The following MYH11 variants were observed in gnomAD, a reference collection of about 807,000 sequenced individuals.
MYH11 encodes the protein myosin-11.
In MYH11, 80 loss-of-function variants were observed where a neutral mutation model predicts 246.6. The ratio of observed to expected loss-of-function variants is 0.32; its 90% confidence interval spans 0.27 to 0.39. The LOEUF is 0.39. MYH11 is among the 10% of genes least tolerant of loss of function. The pLI, the probability that MYH11 is intolerant of heterozygous loss-of-function variation, is 1.00. For synonymous variants in MYH11, 1,071 were observed against 1,015.5 expected (o/e 1.05, Z -1.04); for missense variants, 2,158 against 2,546.8 (o/e 0.85, Z 3.29).
At chr16:15,731,763 A>G (rs1178437555) in intron 27 of MYH11, among the ~76,000 whole-genome samples, 1 of 151,494 alleles carries the variant, frequency 6.6e-6, no homozygotes, top group Non-Finnish European at 1.5e-5. Context: ...AATTGCTGGG[A>G]TTACAGACAT....
At chr16:15,737,771 T>TGAACAGCA (rs2041164040) in intron 24 of MYH11, 151 bp from the exon 25 acceptor site, 1 of 764,502 alleles carries the variant, frequency 1.3e-6, no homozygotes, top group African/African-American at 1.7e-5. Flanking sequence ...TATCTCCCGA[T>TGAACAGCA]GAACAGCACC....
chr16:15,823,438 C>A, intron 2 of MYH11, 27 bp from the exon 3 acceptor site: 1 of 1,614,138 alleles, frequency 6.2e-7, no homozygotes, highest in African/African-American at 1.3e-5. Context: ...CAGCTTACTT[C>A]CAGACCTCCT....
chr16:15,771,453 T>TTA, intron 9 of MYH11, 116 bp downstream of exon 9: 1 of 976,432 alleles, frequency 1.0e-6, no homozygotes, highest in African/African-American at 1.7e-5. Context: ...TTTTTTTTTT[T>TTA]AATGGAAGGT....
intron 5 of MYH11, chr16:15,784,705 A>G: frequency 6.2e-7 from 1 of 1,613,932 alleles, no homozygotes; most frequent in Non-Finnish European, 8.5e-7. Context: ...CACGTAGGCA[A>G]AAGATGGGCC....
intron 9 of MYH11, 69 bp from the exon 10 acceptor site, chr16:15,763,960 C>G (rs2041926561): frequency 7.9e-7 from 1 of 1,258,064 alleles, no homozygotes; most frequent in Non-Finnish European, 1.2e-6. Flanking sequence ...GTTTTGGAGC[C>G]TAAAGCCACT....
At chr16:15,731,835 G>A (rs2040970070) in intron 27 of MYH11, among the ~76,000 whole-genome samples, 1 of 151,924 alleles carries the variant, frequency 6.6e-6, no homozygotes, top group Non-Finnish European at 1.5e-5. Context: ...TGTCGTCCAG[G>A]CTAGAGTGCA....
At chr16:15,771,316 C>T (rs2042094391) in intron 9 of MYH11, among the ~76,000 whole-genome samples, 1 of 152,040 alleles carries the variant, frequency 6.6e-6, no homozygotes, top group African/African-American at 2.4e-5. Flanking sequence ...AACTTCTCAA[C>T]ATTCTGAGTT....
chr16:15,802,164 A>G (rs1466854802), intron 3 of MYH11, among the ~76,000 whole-genome samples: 1 of 152,154 alleles, frequency 6.6e-6, no homozygotes, highest in East Asian at 1.9e-4. Context: ...TCATGACCAC[A>G]AAGCTAAAAA....
chr16:15,756,241 T>A, intron 14 of MYH11, 100 bp downstream of exon 14: 1 of 1,379,272 alleles, frequency 7.3e-7, no homozygotes, highest in Non-Finnish European at 1.0e-6. Context: ...CTTTGCAGTT[T>A]CCAGGCAGCC....
rs1485890422 is a variant in MYH11, at chr16:15,717,240, G to A, written c.5404C>T (p.His1802Tyr). 6.8e-6 allele frequency: 11 copies of A among 1,614,166 alleles called. No individual in the cohort carries two copies. Among genetic ancestry groups the A allele is most frequent in the South Asian group, 6.6e-5 (6 of 91,090 alleles). ...RQNKELRSKL[H>Y]EMEGAVKSKF... ...GACTTGACGGCCCCCTCCATCTCGT[G>A]GAGCTTGCTCCGGAGCTCCTTGTTC... Residue 1802 changes from histidine to tyrosine, a missense_variant, in exon 38 of 41, where the codon CAC becomes TAC. By Grantham distance (83) the His-to-Tyr change is moderately conservative. This residue lies in a region of MYH11 where 1,013 missense variants were observed against 993.5 expected (regional missense o/e 1.02). Transcript: ENST00000300036.
intron 10 of MYH11, 55 bp downstream of exon 10, chr16:15,763,741 T>TGGGGGGGGCCCCCCCCCCCCC: frequency 1.5e-6 from 1 of 646,852 alleles, no homozygotes. Context: ...AAATGTCACC[T>TGGGGGGGGCCCCCCCCCCCCC]CCCCCACCCC....
chr16:15,812,376 A>G (rs1596882784), intron 3 of MYH11, among the ~76,000 whole-genome samples: 1 of 151,990 alleles, frequency 6.6e-6, no homozygotes, highest in African/African-American at 2.4e-5. Flanking sequence ...GAAGAATGCC[A>G]TAGTTGCCAT....
chr16:15,823,468 C>T (rs1416451949), intron 2 of MYH11, 57 bp from the exon 3 acceptor site: 1 of 1,600,420 alleles, frequency 6.2e-7, no homozygotes, highest in Non-Finnish European at 8.6e-7. Flanking sequence ...ACAGATTGCA[C>T]AGAAGCACTC....
intron 1 of MYH11, among the ~76,000 whole-genome samples, chr16:15,848,494 A>G (rs1483453045): frequency 6.6e-6 from 1 of 152,066 alleles, no homozygotes; most frequent in Non-Finnish European, 1.5e-5. Flanking sequence ...TTGGCCCCCC[A>G]AAGTGCTGGG....
Position 15,748,115 on chromosome 16 carries a change from C to T in MYH11, c.2112G>A (p.Val704=), listed in dbSNP as rs781085663. The part of the protein sequence containing the change: ...LVLEQLRCNG[V]LEGIRICRQG... ...GCCGGCAGATGCGAATGCCTTCCAG[C>T]ACCCCATTGCACCGCAGCTGCTCCA... The change falls in exon 17 of 41, where the codon GTG becomes GTA. Residue 704 remains valine, a synonymous_variant. Transcript: ENST00000300036. The T allele has an allele frequency of 3.3e-5, 53 of 1,614,004 alleles. 1 individual carries two copies. Among genetic ancestry groups the T allele is most frequent in the Middle Eastern group, 3.3e-4 (2 of 6,084 alleles).
At chr16:15,797,596 AAT>A (rs2042773325) in intron 4 of MYH11, among the ~76,000 whole-genome samples, 1 of 148,564 alleles carries the variant, frequency 6.7e-6, no homozygotes, top group Non-Finnish European at 1.5e-5. Flanking sequence ...ATATTATGTA[AAT>A]ATATATATGC....
At chr16:15,826,493 G>C (rs1049942616) in intron 2 of MYH11, among the ~76,000 whole-genome samples, 5 of 152,076 alleles carry the variant, frequency 3.3e-5, no homozygotes, top group Admixed American at 3.3e-4. Flanking sequence ...GGAGGCTGAG[G>C]TGGGAGGTTT....
intron 2 of MYH11, among the ~76,000 whole-genome samples, chr16:15,831,441 G>C (rs998383540): frequency 6.8e-6 from 1 of 147,976 alleles, no homozygotes; most frequent in Non-Finnish European, 1.5e-5. Flanking sequence ...AACATACAAG[G>C]AGTGACTTTT....
At position 15,735,483 on chromosome 16, in the gene MYH11, T is replaced by C. The variant is rs1412932117; in HGVS notation, c.3389A>G (p.Glu1130Gly). ...ISDLQEDLDS[E>G]RAARNKAEKQ... ...TTCAGCCTTGTTCCTGGCGGCCCGCTCTGAGTCCAGGTCCTCCTGGAGGTC... is the reference window on the plus strand; with the variant it reads ...TTCAGCCTTGTTCCTGGCGGCCCGCCCTGAGTCCAGGTCCTCCTGGAGGTC... Residue 1130 changes from glutamate (E) to glycine (G), a missense_variant, in exon 26 of 41, where the codon GAG becomes GGG. By Grantham distance (98) the Glu-to-Gly change is moderately conservative. This residue lies in a region of MYH11 where 284 missense variants were observed against 315.4 expected (regional missense o/e 0.90). Transcript: ENST00000300036. 24 of 1,614,126 alleles carry C rather than the reference T, an allele frequency of 1.5e-5. 1 individual carries two copies. Among genetic ancestry groups the C allele is most frequent in the Non-Finnish European group, 2.0e-5 (24 of 1,180,020 alleles).
Sources: gnomAD v4.1 joint callset for allele counts (sites outside exome capture counted in the v4.1 genomes callset) on GRCh38, gnomAD v4.1.1 for gene constraint, gnomAD v4.1.1 regional missense constraint, MANE v1.5 for transcripts, NCBI Gene and HGNC (gene_info 2026-07-23, HGNC 2026-07-21) for gene names.